Variants in NPC1L1 observed in about 807,000 individuals in gnomAD.
NPC1L1 encodes the protein NPC1-like intracellular cholesterol transporter 1.
A neutral mutation model predicts 117.0 loss-of-function variants in NPC1L1; 98 were observed. The ratio of observed to expected loss-of-function variants is 0.84; its 90% CI spans 0.71 to 0.99. NPC1L1 has a LOEUF of 0.99. Ranked by LOEUF, NPC1L1 falls within the 50% of genes least tolerant of loss-of-function variation. NPC1L1 has a pLI of 0.00. For synonymous variants in NPC1L1, 729 were observed against 727.6 expected (o/e 1.00, Z -0.03); for missense variants, 1,540 against 1,710.0 (o/e 0.90, Z 1.75).
intron 18 of NPC1L1, among the ~76,000 whole-genome samples, chr7:44,514,250 C>T (rs1056556832): frequency 7.9e-5 from 12 of 152,212 alleles, no homozygotes; most frequent in African/African-American, 2.7e-4. Flanking sequence ...CTCCTCCCAG[C>T]TTGCCCACCC....
At chr7:44,515,655 A>T (rs1310209346) in intron 18 of NPC1L1, 148 bp downstream of exon 18, 3 of 954,396 alleles carry the variant, frequency 3.1e-6, no homozygotes, top group Non-Finnish European at 5.0e-6. Context: ...AGCTTCCAAG[A>T]CAGAATTGCC....
chr7:44,518,333 C>A (rs986510439), intron 14 of NPC1L1, among the ~76,000 whole-genome samples: 1 of 151,010 alleles, frequency 6.6e-6, no homozygotes, highest in African/African-American at 2.4e-5. Context: ...CCATGCCTGG[C>A]TAATTTTTGT....
Position 44,532,164 on chromosome 7 carries a change from A to C in NPC1L1, c.2463T>G (p.Pro821=), listed in dbSNP as rs113377432. Residue 821 remains proline, a synonymous_variant, in exon 9 of 19, where the codon CCT becomes CCG. Transcript: ENST00000381160. The part of the protein sequence containing the change: ...CCVKPQELPP[P]GQGEGLLLGF... The stretch of plus-strand genomic sequence containing the variant: ...CAAGCAGGAGCCCCTCTCCCTGGCC[A>C]GGCGGGGGCAGCTCCTGGGGCTTGA... The C allele has an allele frequency of 1.5e-3, 2,471 of 1,613,994 alleles. 38 individuals are homozygous for C. In the African/African-American group the frequency reaches 0.028, roughly 18 times the overall value.
rs983943059 is a variant in NPC1L1 at position 44,516,625 on chromosome 7, G to T, written c.3519+78C>A. 4 of 1,173,730 alleles carry T rather than the reference G, an allele frequency of 3.4e-6. No homozygotes were observed. The African/African-American group carries it at 6.1e-5, about 18-fold the overall frequency. The allele number at this position is 1,173,730 out of a possible 1,614,324, so 72.7% of individuals were successfully genotyped here. A position where few individuals can be genotyped will look rare whatever the true frequency, so the allele number is the denominator to read the frequency against. Reference sequence around the variant, plus strand: ...TGCCTCTAAAAAAAGAAACAAAAAAGAACTAGGAGTATTCTATGAGGCTGG... The same window carrying T: ...TGCCTCTAAAAAAAGAAACAAAAAATAACTAGGAGTATTCTATGAGGCTGG... On this transcript the variant is annotated intron_variant, in intron 16 of 18. Transcript: ENST00000381160.
At chr7:44,515,744 G>A (rs1801162675) in intron 18 of NPC1L1, 59 bp downstream of exon 18, 1 of 1,606,184 alleles carries the variant, frequency 6.2e-7, no homozygotes. Context: ...AGCATGCACT[G>A]TTACTGTTGT....
chr7:44,521,578 C>A, intron 12 of NPC1L1, 134 bp downstream of exon 12: 1 of 1,428,022 alleles, frequency 7.0e-7, no homozygotes. Flanking sequence ...CAGGCCACAT[C>A]TGCACCCATG....
In NPC1L1 at chr7:44,536,730, A is replaced by T; in HGVS notation, c.1681+112T>A. The T allele has an allele frequency of 1.0e-6, 1 of 959,348 alleles. No homozygotes were observed. The highest frequency in any genetic ancestry group is 1.4e-5 in the South Asian group (1 of 72,904). The allele number at this position is 959,348 out of a possible 1,614,324, so 59.4% of individuals were successfully genotyped here. ...GGTTGGCCTACAGCTTCCAGAAGCCAGGCTACCCCCAGGCCGCGAGAATCC... is the reference window on the plus strand; with the variant it reads ...GGTTGGCCTACAGCTTCCAGAAGCCTGGCTACCCCCAGGCCGCGAGAATCC... On this transcript the variant is annotated intron_variant, in intron 3 of 18. Transcript: ENST00000381160. The surrounding 1 kb of genome is among the most constrained non-coding windows in gnomAD (Gnocchi z 4.7).
intron 14 of NPC1L1, among the ~76,000 whole-genome samples, chr7:44,518,156 C>A (rs1317417459): frequency 6.6e-6 from 1 of 151,654 alleles, no homozygotes; most frequent in Non-Finnish European, 1.5e-5. Context: ...GACCTTTATA[C>A]AATAAAGGGT....
chr7:44,519,596 T>C (rs1801290331), intron 14 of NPC1L1, among the ~76,000 whole-genome samples: 1 of 152,040 alleles, frequency 6.6e-6, no homozygotes, highest in African/African-American at 2.4e-5. Context: ...AGTGAGATCA[T>C]CCTTCAAAAA....
intron 14 of NPC1L1, among the ~76,000 whole-genome samples, chr7:44,518,320 C>T (rs922363354): frequency 4.6e-5 from 7 of 150,784 alleles, no homozygotes; most frequent in Non-Finnish European, 8.9e-5. Context: ...CAGGTGCATG[C>T]CACCATGCCT....
chr7:44,514,583 G>T (rs888784592), intron 18 of NPC1L1, among the ~76,000 whole-genome samples: 3 of 152,156 alleles, frequency 2.0e-5, no homozygotes, highest in Non-Finnish European at 4.4e-5. Flanking sequence ...CAGGAGAATC[G>T]CTTGAACCCA....
chr7:44,513,747 T>A, intron 18 of NPC1L1, 98 bp from the exon 19 acceptor site: 1 of 1,326,832 alleles, frequency 7.5e-7, no homozygotes, highest in Non-Finnish European at 1.1e-6. Context: ...GCAGGAAGGG[T>A]CCCAGGGGGG....
intron 14 of NPC1L1, among the ~76,000 whole-genome samples, chr7:44,519,254 T>C (rs1224937965): frequency 3.9e-5 from 6 of 152,130 alleles, no homozygotes; most frequent in Non-Finnish European, 5.9e-5. Context: ...GGACCTCATT[T>C]TGGGAAGTGC....
chr7:44,518,721 T>C, intron 14 of NPC1L1: 1 of 1,187,610 alleles, frequency 8.4e-7, no homozygotes, highest in Non-Finnish European at 1.1e-6. Flanking sequence ...CATGTGTATC[T>C]GAAAAAGAAA....
Position 44,531,854 on chromosome 7 carries a change from G to C in NPC1L1, c.2548-10C>G. On this transcript the variant is annotated splice_polypyrimidine_tract_variant and intron_variant, in intron 9 of 18. Coordinates refer to ENST00000381160, the MANE Select transcript of NPC1L1 (RefSeq NM_001101648.2). ...CGAGAAACAGCAGCAGCTGAGAAGG[G>C]ACCTGCTGCATGAGACCACCCTGCC... is the stretch of plus-strand genomic sequence containing the variant. 1 of 1,570,890 alleles carries C rather than the reference G, an allele frequency of 6.4e-7. No homozygotes were observed. The highest frequency in any genetic ancestry group is 1.2e-5 in the South Asian group (1 of 85,472).
Position 44,538,879 on chromosome 7 carries a change from G to A in NPC1L1, c.1518C>T (p.Asn506=). Residue 506 remains asparagine, a synonymous_variant, in exon 2 of 19, where the codon AAC becomes AAT. Coordinates refer to ENST00000381160, the MANE Select transcript of NPC1L1 (RefSeq NM_001101648.2). This position sits in a 1 kb window ranked among gnomAD's most constrained non-coding sequence, Gnocchi z 5.9. ...GGGAGGTCTGCCCCATCAGTGTCTG[G>A]TTGGCTGTGAGCAGCAGGAGCGTGC... ...NNRTLLLLTA[N]QTLMGQTSQV... 1.2e-6 allele frequency: 2 copies of A among 1,614,224 alleles called. No homozygotes were observed. The highest frequency in any genetic ancestry group is 1.1e-5 in the South Asian group (1 of 91,086).
chr7:44,527,461 C>CAAA (rs1160435212), intron 10 of NPC1L1, among the ~76,000 whole-genome samples: 1,820 of 39,702 alleles, frequency 0.046, 50 homozygotes, highest in Non-Finnish European at 0.066. Context: ...AACAACTTCT[C>CAAA]AAAAAAAAAA....
intron 16 of NPC1L1, among the ~76,000 whole-genome samples, 193 bp downstream of exon 16, chr7:44,516,510 G>A (rs1023335638): frequency 6.6e-6 from 1 of 152,132 alleles, no homozygotes; most frequent in African/African-American, 2.4e-5. Flanking sequence ...GGAGGCTGAG[G>A]TAGGAGGATC....
At chr7:44,530,339 AAAAT>A (rs565625766) in intron 10 of NPC1L1, among the ~76,000 whole-genome samples, 1 of 152,202 alleles carries the variant, frequency 6.6e-6, no homozygotes. Flanking sequence ...ACTCTGTTTC[AAAAT>A]AAATAAATAA....
Sources: allele counts gnomAD v4.1 joint callset (sites outside exome capture counted in the v4.1 genomes callset), GRCh38; gene constraint gnomAD v4.1.1; non-coding constraint Gnocchi (gnomAD v3.1); transcripts MANE v1.5; gene names NCBI Gene and HGNC (gene_info 2026-07-23, HGNC 2026-07-21).